Variants in DAB2IP observed in about 807,000 individuals in gnomAD.
The protein encoded by DAB2IP is disabled homolog 2-interacting protein.
A neutral mutation model predicts 107.2 loss-of-function variants in DAB2IP; 28 were observed. The ratio of observed to expected loss-of-function variants is 0.26; its 90% CI spans 0.19 to 0.36. The LOEUF is 0.36. Among genes scored for constraint, DAB2IP ranks in the 10% least tolerant of loss-of-function variants. DAB2IP has a pLI of 1.00. For synonymous variants in DAB2IP, 755 were observed against 706.4 expected (o/e 1.07, Z -1.09); for missense variants, 1,400 against 1,644.7 (o/e 0.85, Z 2.57).
intron 2 of DAB2IP, among the ~76,000 whole-genome samples, chr9:121,694,584 G>A (rs927811452): frequency 3.3e-5 from 5 of 152,114 alleles, no homozygotes; most frequent in African/African-American, 1.2e-4. Flanking sequence ...CCAGATGTCA[G>A]GATGGTGGTG....
chr9:121,773,063 C>T (rs1834891317), exon 12 of DAB2IP: 1 of 1,612,450 alleles, frequency 6.2e-7, no homozygotes, highest in Non-Finnish European at 8.5e-7. Context: ...CACCCCGTGG[C>T]CTTGGCGACT....
chr9:121,637,144 G>A lies in DAB2IP; in HGVS notation c.41-41534G>A, dbSNP rs188496422. The stretch of plus-strand genomic sequence containing the variant: ...GGGAGCTGCTATTTGCTTCCTGGAG[G>A]AGCCTAGGGAAATTTAGTGTCTCTG... On this transcript the variant is annotated intron_variant, in intron 1 of 16. Transcript: ENST00000259371. 2.1e-3 allele frequency among the ~76,000 whole-genome samples: 319 copies of A among 152,318 alleles called. 2 individuals are homozygous for A. The highest frequency in any genetic ancestry group is 1.0e-3 in the Non-Finnish European group (69 of 68,028).
In DAB2IP at chr9:121,610,123, A is replaced by G. The variant is rs576502221; in HGVS notation, c.40+42895A>G. On this transcript the variant is annotated intron_variant, in intron 1 of 16. Transcript: ENST00000259371. ...TTGGTTGGGACTTTGTACTTGGCTC[A>G]TGAACTGTGGGCTTGGGGAAGCTGC... Among the ~76,000 whole-genome samples the G allele has an allele frequency of 7.2e-5, 11 of 152,236 alleles. 1 individual carries two copies. In the East Asian group the frequency reaches 2.1e-3, roughly 29 times the overall value.
At chr9:121,607,073 C>G (rs573258693) in intron 1 of DAB2IP, among the ~76,000 whole-genome samples, 1 of 152,160 alleles carries the variant, frequency 6.6e-6, no homozygotes, top group African/African-American at 2.4e-5. Context: ...CCATGCCTGG[C>G]CGGCAGTGTT....
intron 1 of DAB2IP, among the ~76,000 whole-genome samples, chr9:121,583,935 T>C (rs1232599357): frequency 1.3e-5 from 2 of 152,186 alleles, no homozygotes; most frequent in East Asian, 1.9e-4. Context: ...TCCCAGCACT[T>C]TGGGAGGCTG....
rs529069434 is a variant in DAB2IP, at chr9:121,621,803, C to T, written c.40+54575C>T. On this transcript the variant is annotated intron_variant, in intron 1 of 16. Coordinates refer to the DAB2IP transcript ENST00000259371. ...GTGGGATTATAAGAGCATGCCACCA[C>T]ACCTGGCTAATTTTTTTTTTTTCGT... Among the ~76,000 whole-genome samples the T allele has an allele frequency of 4.6e-5, 5 of 107,828 alleles. 1 individual carries two copies. The South Asian group carries it at 2.1e-3, about 45-fold the overall frequency. The allele number at this position is 107,828 out of a possible 152,430, so 70.7% of individuals were successfully genotyped here.
chr9:121,779,570 G>A (rs1445818253), intron 14 of DAB2IP, among the ~76,000 whole-genome samples: 1 of 152,208 alleles, frequency 6.6e-6, no homozygotes, highest in Non-Finnish European at 1.5e-5. Flanking sequence ...TTCCTTTTAA[G>A]TTTTGTTAGG....
chr9:121,579,395 G>A lies in DAB2IP; in HGVS notation c.40+12167G>A, dbSNP rs566422175. ...CTCGCCTGTCTCTTCATCCCCTCTC[G>A]GTCTTTCCTGTAGGCTCCCAGCTAA... On this transcript the variant is annotated intron_variant, in intron 1 of 16. Coordinates refer to the DAB2IP transcript ENST00000259371. Among the ~76,000 whole-genome samples the A allele has an allele frequency of 3.2e-4, 48 of 151,868 alleles. No homozygotes were observed. In the South Asian group the frequency reaches 6.5e-3, roughly 20 times the overall value.
chr9:121,720,055 G>A (rs1830833730), intron 3 of DAB2IP, among the ~76,000 whole-genome samples: 1 of 152,202 alleles, frequency 6.6e-6, no homozygotes, highest in Admixed American at 6.5e-5. Context: ...CTTCAACTAG[G>A]CCCTATTGGA....
Position 121,592,432 on chromosome 9 carries a change from C to T in DAB2IP, c.40+25204C>T, listed in dbSNP as rs373406021. ...GGGTCAGCTTCCTGTCTGGCTAGGC[C>T]GTTTGCATGGGACAAAGTGCCCCAG... On this transcript the variant is annotated intron_variant, in intron 1 of 16. Transcript: ENST00000259371. Among the ~76,000 whole-genome samples the T allele has an allele frequency of 1.9e-4, 29 of 152,210 alleles. 1 individual carries two copies. Among genetic ancestry groups the T allele is most frequent in the South Asian group, 6.2e-4 (3 of 4,810 alleles).
In DAB2IP at chr9:121,781,444, G is replaced by GTC. The variant is rs747232193; in HGVS notation, c.3315-16_3315-15dup. ...TGCTGCCTCCAGGGCCAGTCTGACT[G>GTC]TCTCTGTCTCTGGCTATAGGTTGAT... On this transcript the variant is annotated intron_variant, in intron 14 of 15. Transcript: ENST00000408936. 4.3e-6 allele frequency: 7 copies of GTC among 1,613,540 alleles called. No homozygotes were observed. The highest frequency in any genetic ancestry group is 1.7e-4 in the Middle Eastern group (1 of 6,060).
chr9:121,713,169 G>A (rs1471139478), intron 3 of DAB2IP, among the ~76,000 whole-genome samples: 2 of 152,194 alleles, frequency 1.3e-5, no homozygotes, highest in African/African-American at 4.8e-5. Flanking sequence ...GGCCCAGAGC[G>A]GGTAATTGTC....
At chr9:121,669,386 A>G (rs1013565550) in intron 1 of DAB2IP, among the ~76,000 whole-genome samples, 1 of 152,118 alleles carries the variant, frequency 6.6e-6, no homozygotes, top group African/African-American at 2.4e-5. Flanking sequence ...CCAAAGACCC[A>G]CCAAGAGTAC....
chr9:121,762,396 C>T (rs891902221), intron 6 of DAB2IP, among the ~76,000 whole-genome samples: 11 of 152,166 alleles, frequency 7.2e-5, no homozygotes, highest in Admixed American at 1.3e-4. Flanking sequence ...CTCTGACCCC[C>T]GCTTTAGTGT....
At chr9:121,609,361 T>C (rs1298370139) in intron 1 of DAB2IP, among the ~76,000 whole-genome samples, 1 of 152,110 alleles carries the variant, frequency 6.6e-6, no homozygotes, top group Non-Finnish European at 1.5e-5. Flanking sequence ...CCTGACTCAT[T>C]GAAACTTTTA....
intron 7 of DAB2IP, 27 bp downstream of exon 7, chr9:121,763,676 G>GA: frequency 6.2e-7 from 1 of 1,612,406 alleles, no homozygotes; most frequent in Admixed American, 1.7e-5. Flanking sequence ...CAGCAGGGCA[G>GA]AGGGTGGGGC....
chr9:121,718,734 CAGG>C (rs1830753635), intron 3 of DAB2IP, among the ~76,000 whole-genome samples: 4 of 152,366 alleles, frequency 2.6e-5, no homozygotes. Context: ...AGAGCAAGCG[CAGG>C]AGATGAGTTA....
intron 14 of DAB2IP, among the ~76,000 whole-genome samples, chr9:121,780,354 C>T (rs910529875): frequency 5.3e-5 from 8 of 152,198 alleles, no homozygotes; most frequent in Admixed American, 3.9e-4. Flanking sequence ...CACCACCGCT[C>T]CTCCCAGTTA....
At position 121,699,018 on chromosome 9, in the gene DAB2IP, G is replaced by T. The variant is rs1829587340; in HGVS notation, c.229-307G>T. On this transcript the variant is annotated intron_variant, in intron 2 of 15. Coordinates refer to ENST00000408936, the Ensembl canonical transcript of DAB2IP. This position sits in a 1 kb window ranked among gnomAD's most constrained non-coding sequence, Gnocchi z 6.2. ...GGTACTCCCCCTCGCCCCGGCGCCC[G>T]GGGGGCTCGGGCAGCCTCGGCCGCG... 6.6e-6 allele frequency among the ~76,000 whole-genome samples: 1 copy of T among 150,930 alleles called. No individual in the cohort carries two copies. The highest frequency in any genetic ancestry group is 2.4e-5 in the African/African-American group (1 of 41,234).
Sources: gnomAD v4.1 joint callset for allele counts (sites outside exome capture counted in the v4.1 genomes callset) on GRCh38, gnomAD v4.1.1 for gene constraint, Gnocchi (gnomAD v3.1) non-coding constraint, MANE v1.5 for transcripts, NCBI Gene and HGNC (gene_info 2026-07-23, HGNC 2026-07-21) for gene names.